The following WDR70 variants were observed in gnomAD, a reference collection of about 807,000 sequenced individuals.
WDR70 encodes WD repeat domain 70.
In WDR70, 53 loss-of-function variants were observed where a neutral mutation model predicts 88.6. The observed-to-expected ratio is 0.60, with a 90% CI of 0.48 to 0.75. WDR70 has a LOEUF of 0.75. Ranked by LOEUF, WDR70 falls within the 30% of genes least tolerant of loss-of-function variation. The pLI is 0.00. For synonymous variants in WDR70, 280 were observed against 270.0 expected (o/e 1.04, Z -0.36); for missense variants, 610 against 823.2 (o/e 0.74, Z 3.17).
At chr5:37,713,062 T>C (rs547988025) in intron 13 of WDR70, among the ~76,000 whole-genome samples, 1 of 152,336 alleles carries the variant, frequency 6.6e-6, no homozygotes, top group East Asian at 1.9e-4. Flanking sequence ...GATGCAGTTT[T>C]TTAGATTCTC....
chr5:37,545,181 T>C (rs1453967709), intron 9 of WDR70, among the ~76,000 whole-genome samples: 1 of 152,196 alleles, frequency 6.6e-6, no homozygotes, highest in Admixed American at 6.5e-5. Flanking sequence ...GTCTTTTAAA[T>C]TGTTACATCT....
intron 8 of WDR70, among the ~76,000 whole-genome samples, chr5:37,484,388 A>C (rs1289911273): frequency 1.3e-5 from 2 of 152,192 alleles, no homozygotes; most frequent in African/African-American, 2.4e-5. Flanking sequence ...CCCTGTCTCC[A>C]CCAAAAAAAT....
intron 17 of WDR70, among the ~76,000 whole-genome samples, chr5:37,731,696 T>C (rs947057915): frequency 3.9e-5 from 6 of 152,192 alleles, no homozygotes; most frequent in African/African-American, 1.2e-4. Flanking sequence ...CATGTTATTT[T>C]AATGGCTAAC....
intron 7 of WDR70, among the ~76,000 whole-genome samples, chr5:37,462,172 T>C (rs1739027049): frequency 1.3e-5 from 2 of 152,188 alleles, no homozygotes; most frequent in East Asian, 1.9e-4. Context: ...AGAAGTCTTA[T>C]ATATTTCCTA....
intron 10 of WDR70, among the ~76,000 whole-genome samples, chr5:37,683,002 T>G (rs1746484403): frequency 6.6e-6 from 1 of 152,218 alleles, no homozygotes; most frequent in Non-Finnish European, 1.5e-5. Context: ...AGAACTTGCT[T>G]TGTGAATCTG....
At chr5:37,609,675 C>G (rs753009643) in intron 10 of WDR70, among the ~76,000 whole-genome samples, 15 of 152,228 alleles carry the variant, frequency 9.9e-5, no homozygotes, top group Non-Finnish European at 2.1e-4. Context: ...CCTGCAAGCC[C>G]TTGCCCAGAT....
intron 10 of WDR70, among the ~76,000 whole-genome samples, chr5:37,636,226 G>A (rs1744961594): frequency 1.3e-5 from 2 of 152,094 alleles, no homozygotes; most frequent in South Asian, 4.1e-4. Context: ...CGAATCAGGG[G>A]CAAGTCTGTG....
intron 7 of WDR70, among the ~76,000 whole-genome samples, chr5:37,446,410 G>C (rs995921035): frequency 2.4e-4 from 36 of 152,250 alleles, no homozygotes; most frequent in Admixed American, 2.4e-3. Flanking sequence ...AGCTACCAAT[G>C]ACTTTCTTCA....
At chr5:37,488,044 A>C (rs912187702) in intron 8 of WDR70, among the ~76,000 whole-genome samples, 1 of 145,576 alleles carries the variant, frequency 6.9e-6, no homozygotes, top group Non-Finnish European at 1.5e-5. Flanking sequence ...TTTCTCCTTC[A>C]TTATAACTGC....
chr5:37,730,057 T>A (rs1748099923), intron 17 of WDR70, among the ~76,000 whole-genome samples: 1 of 152,202 alleles, frequency 6.6e-6, no homozygotes. Flanking sequence ...TTTTTTGGTC[T>A]AAGTTCCACT....
At chr5:37,666,116 C>T (rs776375733) in intron 10 of WDR70, among the ~76,000 whole-genome samples, 3 of 152,316 alleles carry the variant, frequency 2.0e-5, no homozygotes, top group East Asian at 1.9e-4. Flanking sequence ...GGGGCACCGC[C>T]GGGCTTTCCC....
intron 5 of WDR70, among the ~76,000 whole-genome samples, chr5:37,412,312 G>A (rs1290967049): frequency 6.6e-6 from 1 of 152,090 alleles, no homozygotes; most frequent in African/African-American, 2.4e-5. Context: ...GCTTGAACCC[G>A]GGAGGTGGAG....
chr5:37,481,069 C>T (rs187549556), intron 8 of WDR70, among the ~76,000 whole-genome samples: 5 of 152,206 alleles, frequency 3.3e-5, no homozygotes, highest in Non-Finnish European at 7.3e-5. Flanking sequence ...CCAGGTGATG[C>T]AAGAAGTGGG....
chr5:37,710,278 T>G (rs1277836601), intron 13 of WDR70, among the ~76,000 whole-genome samples: 2 of 152,142 alleles, frequency 1.3e-5, no homozygotes, highest in Non-Finnish European at 1.5e-5. Flanking sequence ...TATGGATTCA[T>G]GTAATCACTA....
At chr5:37,415,714 C>T (rs1483595333) in intron 5 of WDR70, among the ~76,000 whole-genome samples, 3 of 150,840 alleles carry the variant, frequency 2.0e-5, no homozygotes, top group African/African-American at 4.9e-5. Flanking sequence ...ACTTCTCAGA[C>T]GGGGCGGCTG....
chr5:37,548,383 T>G (rs1742052918), intron 9 of WDR70, among the ~76,000 whole-genome samples: 3 of 152,214 alleles, frequency 2.0e-5, no homozygotes, highest in Non-Finnish European at 1.5e-5. Context: ...ATTTGTCTGG[T>G]GATCAGTGAT....
At chr5:37,435,171 A>G (rs1750430061) in intron 5 of WDR70, among the ~76,000 whole-genome samples, 1 of 152,154 alleles carries the variant, frequency 6.6e-6, no homozygotes, top group Non-Finnish European at 1.5e-5. Context: ...AGTGTTAGAA[A>G]TTGTCTATAT....
chr5:37,472,671 G>C (rs1739361640), intron 7 of WDR70, among the ~76,000 whole-genome samples: 1 of 151,824 alleles, frequency 6.6e-6, no homozygotes, highest in African/African-American at 2.4e-5. Flanking sequence ...TAATTTTTTT[G>C]TACTTTTAGT....
intron 10 of WDR70, among the ~76,000 whole-genome samples, chr5:37,676,877 G>A (rs1746241405): frequency 6.6e-6 from 1 of 152,148 alleles, no homozygotes; most frequent in African/African-American, 2.4e-5. Context: ...ACTCTTTTTG[G>A]TTGGTAAGCT....
Sources: gnomAD v4.1 joint callset for allele counts (sites outside exome capture counted in the v4.1 genomes callset) on GRCh38, gnomAD v4.1.1 for gene constraint, MANE v1.5 for transcripts, NCBI Gene and HGNC (gene_info 2026-07-23, HGNC 2026-07-21) for gene names.